Variants in RHOT1 observed in about 807,000 individuals in gnomAD.
The protein encoded by RHOT1 is mitochondrial Rho GTPase 1.
In RHOT1, 27 loss-of-function variants were observed where a neutral mutation model predicts 95.3. The observed-to-expected ratio is 0.28, with a 90% confidence interval of 0.21 to 0.39. RHOT1 has a LOEUF of 0.39. Among genes scored for constraint, RHOT1 ranks in the 10% least tolerant of loss-of-function variants. RHOT1 has a pLI of 1.00. For missense variants in RHOT1, 578 were observed against 786.7 expected (o/e 0.73, Z 3.17); for synonymous variants, 227 against 263.5 (o/e 0.86, Z 1.34).
chr17:32,214,590 A>C (rs964686307), intron 19 of RHOT1, among the ~76,000 whole-genome samples: 3 of 152,144 alleles, frequency 2.0e-5, no homozygotes, highest in Non-Finnish European at 2.9e-5. Context: ...TTTCCCATGA[A>C]AAATTTGAAA....
chr17:32,154,585 TCAAAAAA>T (rs2032731064), intron 1 of RHOT1, among the ~76,000 whole-genome samples: 1 of 83,858 alleles, frequency 1.2e-5, no homozygotes, highest in African/African-American at 5.1e-5. Context: ...AGGCTCCATC[TCAAAAAA>T]AAAAAAAAAA....
intron 1 of RHOT1, among the ~76,000 whole-genome samples, chr17:32,170,280 T>C (rs2034471587): frequency 6.6e-6 from 1 of 152,022 alleles, no homozygotes; most frequent in Non-Finnish European, 1.5e-5. Context: ...CTGGACGTGG[T>C]GACACATGCC....
At chr17:32,187,103 G>A (rs564316090) in intron 8 of RHOT1, among the ~76,000 whole-genome samples, 4 of 151,990 alleles carry the variant, frequency 2.6e-5, no homozygotes, top group Admixed American at 2.0e-4. Context: ...CGTGGCCAAC[G>A]TGGCAAAACC....
intron 11 of RHOT1, 148 bp from the exon 12 acceptor site, chr17:32,198,799 G>A: frequency 1.7e-6 from 1 of 596,832 alleles, no homozygotes; most frequent in East Asian, 2.8e-5. Context: ...ACTCCAGAGA[G>A]TTTCCTTGGG....
chr17:32,200,897 T>C, intron 13 of RHOT1, 59 bp from the exon 14 acceptor site: 1 of 1,310,378 alleles, frequency 7.6e-7, no homozygotes, highest in Non-Finnish European at 1.1e-6. Flanking sequence ...ATTGGCTTTT[T>C]TTTCCCCATA....
intron 1 of RHOT1, chr17:32,142,931 C>G (rs981677020): frequency 1.4e-6 from 1 of 717,724 alleles, no homozygotes; most frequent in Non-Finnish European, 2.6e-6. Flanking sequence ...GCGGCCCTCA[C>G]CCTGTCACCT....
intron 1 of RHOT1, among the ~76,000 whole-genome samples, chr17:32,168,257 TCA>T (rs1361884682): frequency 6.6e-6 from 1 of 151,504 alleles, no homozygotes; most frequent in Non-Finnish European, 1.5e-5. Flanking sequence ...ACACACACAC[TCA>T]CATACACATG....
chr17:32,188,551 A>G (rs2036229113), intron 8 of RHOT1, among the ~76,000 whole-genome samples: 1 of 152,256 alleles, frequency 6.6e-6, no homozygotes, highest in South Asian at 2.1e-4. Context: ...CTCATTACAG[A>G]TCAGCATTAA....
At chr17:32,220,610 A>G (rs1298508582) in intron 19 of RHOT1, among the ~76,000 whole-genome samples, 1 of 151,996 alleles carries the variant, frequency 6.6e-6, no homozygotes, top group East Asian at 1.9e-4. Context: ...TGAGGCAGAC[A>G]GATCACTTGA....
chr17:32,182,224 A>G (rs2035692209), intron 6 of RHOT1, among the ~76,000 whole-genome samples: 1 of 152,194 alleles, frequency 6.6e-6, no homozygotes, highest in African/African-American at 2.4e-5. Context: ...AGATCTGCCC[A>G]GGCATAGTAG....
At chr17:32,167,131 G>A (rs141331356) in intron 1 of RHOT1, among the ~76,000 whole-genome samples, 251 of 152,146 alleles carry the variant, frequency 1.6e-3, no homozygotes, top group African/African-American at 4.8e-3. Flanking sequence ...CTCCTTGTAC[G>A]TCTCCATCTG....
chr17:32,182,402 C>T (rs1382197938), intron 6 of RHOT1, among the ~76,000 whole-genome samples: 1 of 152,156 alleles, frequency 6.6e-6, no homozygotes, highest in African/African-American at 2.4e-5. Flanking sequence ...AAGTGGATCA[C>T]TTGAGCATAG....
chr17:32,163,193 C>A (rs1448735038), intron 1 of RHOT1, among the ~76,000 whole-genome samples: 1 of 151,912 alleles, frequency 6.6e-6, no homozygotes. Context: ...AAAAATGGAC[C>A]AGCATTTATA....
intron 8 of RHOT1, among the ~76,000 whole-genome samples, chr17:32,190,774 CTT>C (rs1195199068): frequency 6.6e-6 from 1 of 152,050 alleles, no homozygotes; most frequent in Non-Finnish European, 1.5e-5. Flanking sequence ...ATTTAGTACT[CTT>C]TTATAAGGGA....
intron 11 of RHOT1, among the ~76,000 whole-genome samples, chr17:32,198,035 C>G (rs752767530): frequency 1.3e-5 from 2 of 152,172 alleles, no homozygotes; most frequent in Non-Finnish European, 2.9e-5. Context: ...GCTGGGACTA[C>G]AAGCATGTGC....
chr17:32,214,273 C>T (rs2038307958), intron 19 of RHOT1, among the ~76,000 whole-genome samples: 1 of 152,126 alleles, frequency 6.6e-6, no homozygotes, highest in African/African-American at 2.4e-5. Flanking sequence ...GTGACAGGCA[C>T]TGTCTAAAAG....
In RHOT1 at chr17:32,208,055, T is replaced by C. The variant is rs7342894; in HGVS notation, c.1537-52T>C. On this transcript the variant is annotated intron_variant, in intron 17 of 19. Transcript: ENST00000545287. The stretch of plus-strand genomic sequence containing the variant: ...AATGCTTGGTTCACATTTAATTAAA[T>C]AGTAATTTTTGAACTTGTTATCAGA... The C allele has an allele frequency of 4.5e-5, 67 of 1,484,836 alleles. No homozygotes were observed. In the Middle Eastern group the frequency reaches 1.4e-3, roughly 31 times the overall value. 92.0% of individuals were successfully genotyped at this position (1,484,836 alleles called of 1,614,324 possible).
rs762102262 is a variant in RHOT1 at position 32,203,905 on chromosome 17, C to T, written c.1348C>T (p.Arg450Cys). 3.2e-5 allele frequency: 52 copies of T among 1,612,300 alleles called. No homozygotes were observed. Among genetic ancestry groups the T allele is most frequent in the Non-Finnish European group, 4.1e-5 (48 of 1,179,122 alleles). The part of the protein sequence containing the change: ...GRNLMRQKKI[R>C]EDHKSYYAIN... The stretch of plus-strand genomic sequence containing the variant: ...CTGTTTTCAGAGGCAGAAGAAAATT[C>T]GTGAAGATCATAAATCCTACTATGC... The change falls in exon 16 of 20, where the codon CGT becomes TGT. Residue 450 changes from arginine to cysteine, a missense_variant. This residue lies in a region of RHOT1 where 296 missense variants were observed against 338.5 expected (regional missense o/e 0.87). Coordinates refer to ENST00000545287, the MANE Select transcript of RHOT1 (RefSeq NM_001033566.3).
chr17:32,163,136 A>T (rs770309508), intron 1 of RHOT1, among the ~76,000 whole-genome samples: 2 of 152,232 alleles, frequency 1.3e-5, no homozygotes, highest in African/African-American at 2.4e-5. Context: ...TGAGAGTCAA[A>T]GAAAGCGTTT....
Sources: gnomAD v4.1 joint callset for allele counts (sites outside exome capture counted in the v4.1 genomes callset) on GRCh38, gnomAD v4.1.1 for gene constraint, gnomAD v4.1.1 regional missense constraint, MANE v1.5 for transcripts, NCBI Gene and HGNC (gene_info 2026-07-23, HGNC 2026-07-21) for gene names.